Variants in TRDN observed in about 807,000 individuals in gnomAD.
TRDN encodes triadin in skeletal muscle.
Under a neutral mutation model 149.7 loss-of-function variants are expected in TRDN, and 161 were observed. That is an observed-to-expected ratio of 1.08 (90% CI 0.95 to 1.23). The LOEUF (loss-of-function observed/expected upper bound fraction) is 1.23, where lower values mean the gene tolerates loss of function less well. Among genes scored for constraint, TRDN ranks in the 50% most tolerant of loss-of-function variants. The pLI, the probability that TRDN is intolerant of heterozygous loss-of-function variation, is 0.00. For synonymous variants in TRDN, 294 were observed against 250.5 expected (o/e 1.17, Z -1.64); for missense variants, 896 against 823.5 (o/e 1.09, Z -1.08).
intron 21 of TRDN, chr6:123,351,477 C>G (rs1016177861): frequency 1.0e-6 from 1 of 983,976 alleles, no homozygotes; most frequent in African/African-American, 1.7e-5. Flanking sequence ...GAAACATCTA[C>G]TGAACTGTAA....
intron 19 of TRDN, among the ~76,000 whole-genome samples, chr6:123,368,823 T>A (rs1781214381): frequency 6.6e-6 from 1 of 152,152 alleles, no homozygotes; most frequent in Non-Finnish European, 1.5e-5. Flanking sequence ...AATACTTCCA[T>A]TCCTTGTTCT....
chr6:123,279,589 T>C (rs1281493388), intron 24 of TRDN, among the ~76,000 whole-genome samples: 3 of 151,998 alleles, frequency 2.0e-5, no homozygotes, highest in Non-Finnish European at 1.5e-5. Context: ...CTCAACTTTT[T>C]AAGGAATATC....
chr6:123,570,925 GA>G lies in TRDN; in HGVS notation c.229del (p.Ser77GlnfsTer13), dbSNP rs1782541709. On this transcript the variant is annotated frameshift_variant, in exon 2 of 41. Coordinates refer to ENST00000334268, the MANE Select transcript of TRDN (RefSeq NM_006073.4). LOFTEE classifies it high-confidence loss of function. ...AAGCCAAATTTTATGGAACTTACCT[GA>G]AAAGTTTTTGTAATCCACTAAATCA... is the stretch of plus-strand genomic sequence containing the variant. ...MFDLVDYKNF[S>X]ASSIAKIGSD... is the part of the protein sequence containing the mutation. 6.2e-7 allele frequency: 1 copy of G among 1,612,984 alleles called. No individual in the cohort carries two copies. Among genetic ancestry groups the G allele is most frequent in the South Asian group, 1.1e-5 (1 of 90,998 alleles).
At chr6:123,291,240 T>C (rs1562247953) in intron 24 of TRDN, among the ~76,000 whole-genome samples, 1 of 151,994 alleles carries the variant, frequency 6.6e-6, no homozygotes. Flanking sequence ...TCATATTTTG[T>C]CCTAGAGTAA....
chr6:123,473,457 T>C lies in TRDN; in HGVS notation c.854-8474A>G, dbSNP rs1777294448. Among the ~76,000 whole-genome samples, 2 of 151,788 alleles carry C rather than the reference T, an allele frequency of 1.3e-5. 1 individual carries two copies. Among genetic ancestry groups the C allele is most frequent in the South Asian group, 4.2e-4 (2 of 4,816 alleles). On this transcript the variant is annotated intron_variant, in intron 9 of 40. Transcript: ENST00000334268. ...TATGGGACTATGTGAAAAGACCAAA[T>C]CTACGTCTGATTGGTGTACCTGAAA...
intron 21 of TRDN, chr6:123,351,347 T>TA: frequency 1.0e-6 from 1 of 975,298 alleles, no homozygotes; most frequent in African/African-American, 1.8e-5. Flanking sequence ...CTTTATTTTT[T>TA]AAAAAAATAA....
At chr6:123,407,586 T>A (rs1242210781) in intron 12 of TRDN, among the ~76,000 whole-genome samples, 3 of 152,150 alleles carry the variant, frequency 2.0e-5, no homozygotes, top group African/African-American at 7.2e-5. Context: ...AATTCCCATA[T>A]GCATCTTGTT....
intron 12 of TRDN, among the ~76,000 whole-genome samples, chr6:123,402,773 T>G (rs547561497): frequency 1.1e-4 from 17 of 151,914 alleles, no homozygotes; most frequent in Non-Finnish European, 2.4e-4. Flanking sequence ...CAAATGTTAA[T>G]GGAAATGGAA....
chr6:123,232,185 G>T (rs978491734), intron 38 of TRDN, among the ~76,000 whole-genome samples: 11 of 149,090 alleles, frequency 7.4e-5, no homozygotes, highest in Admixed American at 5.5e-4. Flanking sequence ...AACAGCAGAA[G>T]CCCAGTACTG....
chr6:123,329,969 A>G (rs1779600104), intron 23 of TRDN, among the ~76,000 whole-genome samples: 1 of 152,068 alleles, frequency 6.6e-6, no homozygotes, highest in South Asian at 2.1e-4. Flanking sequence ...CTTCTTCAAC[A>G]TGATATATGT....
chr6:123,546,016 C>T (rs1781093384), intron 4 of TRDN, among the ~76,000 whole-genome samples: 1 of 152,030 alleles, frequency 6.6e-6, no homozygotes, highest in Non-Finnish European at 1.5e-5. Context: ...TCTGTTTTCC[C>T]TTCTTCCATT....
chr6:123,595,966 G>A (rs1784020668), intron 1 of TRDN, among the ~76,000 whole-genome samples: 2 of 152,068 alleles, frequency 1.3e-5, no homozygotes, highest in Non-Finnish European at 2.9e-5. Flanking sequence ...GGGAGGAAGA[G>A]TTACACATCT....
At chr6:123,575,562 C>CTAGG (rs1342719364) in intron 1 of TRDN, among the ~76,000 whole-genome samples, 2 of 152,084 alleles carry the variant, frequency 1.3e-5, no homozygotes, top group Non-Finnish European at 2.9e-5. Context: ...AGCAGAGCAG[C>CTAGG]TAGGATATGT....
rs1370369800 is a variant in TRDN at position 123,473,695 on chromosome 6, A to G, written c.854-8712T>C. Among the ~76,000 whole-genome samples, 3 of 151,716 alleles carry G rather than the reference A, an allele frequency of 2.0e-5. No individual in the cohort carries two copies. The East Asian group carries it at 5.8e-4, about 30-fold the overall frequency. The stretch of plus-strand genomic sequence containing the variant: ...AAAAATGTTAAGGGCAGCCAGAGAG[A>G]AAGGTCGGGTTACCCTCAAAGGGAA... On this transcript the variant is annotated intron_variant, in intron 9 of 40. Transcript: ENST00000334268.
chr6:123,569,762 C>G (rs9320943), intron 2 of TRDN, among the ~76,000 whole-genome samples: 59,943 of 151,870 alleles, frequency 0.39, 12,658 homozygotes, highest in African/African-American at 0.51. Context: ...CTCATGAGAA[C>G]TCACTATTGT....
intron 40 of TRDN, among the ~76,000 whole-genome samples, chr6:123,219,256 G>A (rs1775055608): frequency 6.6e-6 from 1 of 151,776 alleles, no homozygotes. Context: ...TGCTCTTTGA[G>A]CAACAAAGGT....
chr6:123,465,699 T>C (rs1776759527), intron 9 of TRDN, among the ~76,000 whole-genome samples: 1 of 151,832 alleles, frequency 6.6e-6, no homozygotes, highest in Non-Finnish European at 1.5e-5. Context: ...ATCCAGGCCA[T>C]GAACTCTCAA....
Position 123,250,711 on chromosome 6 carries a change from T to C in TRDN, c.1975+1701A>G, listed in dbSNP as rs1037296758. On this transcript the variant is annotated intron_variant, in intron 38 of 40. Coordinates refer to ENST00000334268, the MANE Select transcript of TRDN (RefSeq NM_006073.4). ...TTTCTGATATATTTTTCTTTTCAGT[T>C]ACTGCTCATAATCTTACTCTTACTA... Among the ~76,000 whole-genome samples, 5 of 152,218 alleles carry C rather than the reference T, an allele frequency of 3.3e-5. No homozygotes were observed. In the South Asian group the frequency reaches 1.0e-3, roughly 32 times the overall value.
At chr6:123,435,101 TATAAC>T (rs1204585654) in intron 12 of TRDN, among the ~76,000 whole-genome samples, 1 of 150,184 alleles carries the variant, frequency 6.7e-6, no homozygotes, top group African/African-American at 2.4e-5. Context: ...TAATATAACA[TATAAC>T]ATATAACTAA....
Sources: gnomAD v4.1 joint callset for allele counts (sites outside exome capture counted in the v4.1 genomes callset) on GRCh38, gnomAD v4.1.1 for gene constraint, MANE v1.5 for transcripts, NCBI Gene and HGNC (gene_info 2026-07-23, HGNC 2026-07-21) for gene names.